MYO18B: variants seen among roughly 807,000 people sequenced by gnomAD.
The protein encoded by MYO18B is unconventional myosin-XVIIIb.
In MYO18B, 204 loss-of-function variants were observed where a neutral mutation model predicts 273.0. The ratio of observed to expected loss-of-function variants is 0.75; its 90% CI spans 0.67 to 0.84. MYO18B has a LOEUF of 0.84. Ranked by LOEUF, MYO18B falls within the 40% of genes least tolerant of loss-of-function variation. The pLI is 0.00. For missense variants in MYO18B, 3,212 were observed against 3,287.6 expected (o/e 0.98, Z 0.56); for synonymous variants, 1,330 against 1,305.7 (o/e 1.02, Z -0.40).
At position 25,763,319 on chromosome 22, in the gene MYO18B, G is replaced by C; in HGVS notation, c.128G>C (p.Arg43Pro). The C allele has an allele frequency of 6.2e-7, 1 of 1,613,022 alleles. No individual in the cohort carries two copies. Among genetic ancestry groups the C allele is most frequent in the Non-Finnish European group, 8.5e-7 (1 of 1,179,676 alleles). The change falls in exon 3 of 44, where the codon CGG becomes CCG. Residue 43 changes from arginine to proline, a missense_variant. Physicochemically the swap from Arg to Pro is moderately radical, Grantham distance 103 (BLOSUM62 -2). Coordinates refer to ENST00000335473, the MANE Select transcript of MYO18B (RefSeq NM_032608.7). ...IPGGFIKQLVRGTEKEAKEAR... is the reference protein window; with the variant it reads ...IPGGFIKQLVPGTEKEAKEAR... ...GGGGGCTTCATTAAGCAACTGGTCC[G>C]GGGGACTGAAAAAGAGGCCAAGGAA...
chr22:25,835,346 G>A lies in MYO18B; in HGVS notation c.3111G>A (p.Trp1037Ter), dbSNP rs765822402. ...GGAQDARGLF[W>*]VLDEEVHVEG... Reference sequence around the variant, plus strand: ...CCCAGGATGCCAGAGGCCTTTTCTGGGTCTTAGATGAGGAAGTCCATGTAG... The same window carrying A: ...CCCAGGATGCCAGAGGCCTTTTCTGAGTCTTAGATGAGGAAGTCCATGTAG... The change falls in exon 17 of 44, where the codon TGG becomes TGA. Residue 1037 changes from tryptophan (W) to a stop codon, truncating the protein, a stop_gained. Transcript: ENST00000335473. LOFTEE classifies it high-confidence loss of function. 2 of 1,613,924 alleles carry A rather than the reference G, an allele frequency of 1.2e-6. No homozygotes were observed. Among genetic ancestry groups the A allele is most frequent in the Non-Finnish European group, 1.7e-6 (2 of 1,179,874 alleles).
intron 39 of MYO18B, among the ~76,000 whole-genome samples, chr22:25,979,780 C>G (rs2093130741): frequency 6.6e-6 from 1 of 152,112 alleles, no homozygotes; most frequent in African/African-American, 2.4e-5. Context: ...GCCTTGAAGC[C>G]TGATCCCTCC....
In MYO18B at chr22:25,846,166, C is replaced by G. The variant is rs778477525; in HGVS notation, c.3435C>G (p.Gly1145=). Residue 1145 remains glycine (G), a synonymous_variant, in exon 19 of 44, where the codon GGC becomes GGG. Coordinates refer to ENST00000335473, the MANE Select transcript of MYO18B (RefSeq NM_032608.7). ...CTCCTGTGTGCCGGGCTGTGGCAGG[C>G]CTGGAGGGCACCTCCCAGCAGGCCC... ...KLPPVCRAVA[G]LEGTSQQALQ... is the part of the protein sequence containing the mutation. 4.3e-6 allele frequency: 7 copies of G among 1,610,484 alleles called. No individual in the cohort carries two copies. Among genetic ancestry groups the G allele is most frequent in the African/African-American group, 1.3e-5 (1 of 74,864 alleles).
chr22:26,034,349 C>T (rs1442664295), downstream of MYO18B, among the ~76,000 whole-genome samples: 1 of 152,196 alleles, frequency 6.6e-6, no homozygotes, highest in Non-Finnish European at 1.5e-5. Context: ...CCACTTAGCC[C>T]CAGGTCAAAG....
intron 11 of MYO18B, 32 bp from the exon 12 acceptor site, chr22:25,797,921 C>G (rs932970760): frequency 2.5e-6 from 4 of 1,613,938 alleles, no homozygotes; most frequent in Middle Eastern, 1.7e-4. Flanking sequence ...TCGCGATGGC[C>G]TTGTTTTCTT....
At chr22:25,882,747 A>C (rs950459137) in intron 25 of MYO18B, among the ~76,000 whole-genome samples, 2 of 152,186 alleles carry the variant, frequency 1.3e-5, no homozygotes, top group African/African-American at 4.8e-5. Flanking sequence ...TACATTAAAA[A>C]ATTTTTAAAT....
At chr22:25,751,107 A>T (rs1414256740) in intron 1 of MYO18B, among the ~76,000 whole-genome samples, 1 of 152,242 alleles carries the variant, frequency 6.6e-6, no homozygotes, top group Non-Finnish European at 1.5e-5. Flanking sequence ...GGATGGAAAG[A>T]GTAAATGATG....
In MYO18B at chr22:25,797,994, C is replaced by T; in HGVS notation, c.2418C>T (p.Leu806=). 3.1e-6 allele frequency: 5 copies of T among 1,613,978 alleles called. No homozygotes were observed. Among genetic ancestry groups the T allele is most frequent in the Non-Finnish European group, 4.2e-6 (5 of 1,179,852 alleles). Residue 806 remains leucine, a synonymous_variant, in exon 12 of 44, where the codon CTC becomes CTT. Coordinates refer to ENST00000335473, the MANE Select transcript of MYO18B (RefSeq NM_032608.7). ...KQKAAAAFAQ[L]QGAMEMLGIS... is the part of the protein sequence containing the mutation. Reference sequence around the variant, plus strand: ...AGGCGGCAGCTGCCTTTGCCCAGCTCCAGGGTGCCATGGAGATGCTCGGCA... The same window carrying T: ...AGGCGGCAGCTGCCTTTGCCCAGCTTCAGGGTGCCATGGAGATGCTCGGCA...
Position 25,798,093 on chromosome 22 carries a change from C to T in MYO18B, c.2517C>T (p.Cys839=). ...AIYHLGAAGA[C]KVGRKQFMRF... is the part of the protein sequence containing the mutation. Reference sequence around the variant, plus strand: ...ACCACCTGGGTGCGGCGGGGGCCTGCAAAGGTACGTCCTTCCTGCCGGGCT... The same window carrying T: ...ACCACCTGGGTGCGGCGGGGGCCTGTAAAGGTACGTCCTTCCTGCCGGGCT... Residue 839 remains cysteine, a synonymous_variant, in exon 12 of 44, where the codon TGC becomes TGT. Coordinates refer to ENST00000335473, the MANE Select transcript of MYO18B (RefSeq NM_032608.7). 1.9e-6 allele frequency: 3 copies of T among 1,606,898 alleles called. No homozygotes were observed. The highest frequency in any genetic ancestry group is 2.6e-6 in the Non-Finnish European group (3 of 1,174,558).
chr22:26,048,348 A>G, the MYO18B span, among the ~76,000 whole-genome samples: 1 of 152,172 alleles, frequency 6.6e-6, no homozygotes, highest in African/African-American at 2.4e-5. Context: ...TGTGTGGAGG[A>G]GTCCCAGATT....
At position 26,019,572 on chromosome 22, in the gene MYO18B, C is replaced by A. The variant is rs73879804; in HGVS notation, c.6471-6873C>A. ...CCTGCATAATGCATAGTCCTGGGTG[C>A]CATGTCAACTTTTGTTACAGACTCT... is the stretch of plus-strand genomic sequence containing the variant. On this transcript the variant is annotated intron_variant, in intron 42 of 43. Coordinates refer to ENST00000335473, the MANE Select transcript of MYO18B (RefSeq NM_032608.7). Among the ~76,000 whole-genome samples the A allele has an allele frequency of 5.2e-3, 786 of 152,316 alleles. 5 individuals carry two copies. The highest frequency in any genetic ancestry group is 0.018 in the African/African-American group (746 of 41,562).
chr22:25,868,409 A>T, intron 22 of MYO18B, 24 bp downstream of exon 22: 2 of 1,568,782 alleles, frequency 1.3e-6, no homozygotes, highest in South Asian at 2.3e-5. Context: ...CTTTCTTACA[A>T]CATTCGCCCA....
chr22:26,063,814 G>A, the MYO18B span, among the ~76,000 whole-genome samples: 1 of 152,216 alleles, frequency 6.6e-6, no homozygotes, highest in South Asian at 2.1e-4. Context: ...ACTAAAAATA[G>A]TGTGATAGCA....
intron 34 of MYO18B, among the ~76,000 whole-genome samples, chr22:25,931,286 G>A (rs2092496644): frequency 6.6e-6 from 1 of 152,222 alleles, no homozygotes; most frequent in African/African-American, 2.4e-5. Flanking sequence ...ATGCTATGAT[G>A]AATGAAGTGG....
At chr22:25,806,031 G>C (rs1396826219) in intron 12 of MYO18B, among the ~76,000 whole-genome samples, 1 of 152,190 alleles carries the variant, frequency 6.6e-6, no homozygotes, top group Non-Finnish European at 1.5e-5. Flanking sequence ...AGCTCTGTGA[G>C]TACAGAGGTC....
At chr22:25,783,029 A>G (rs2087227508) in intron 10 of MYO18B, among the ~76,000 whole-genome samples, 2 of 152,228 alleles carry the variant, frequency 1.3e-5, no homozygotes, top group African/African-American at 2.4e-5. Flanking sequence ...ATCTACAAAA[A>G]TAGATGTGAC....
downstream of MYO18B, among the ~76,000 whole-genome samples, chr22:26,032,179 T>C (rs1024484800): frequency 2.6e-5 from 4 of 152,176 alleles, no homozygotes; most frequent in Admixed American, 1.3e-4. Flanking sequence ...GTTACTAAAC[T>C]CTAATAAAAC....
intron 21 of MYO18B, among the ~76,000 whole-genome samples, chr22:25,866,824 A>G (rs1422657000): frequency 6.7e-6 from 1 of 150,002 alleles, no homozygotes; most frequent in Non-Finnish European, 1.5e-5. Context: ...ATAGTACTAT[A>G]GTGCGTACAG....
the MYO18B span, among the ~76,000 whole-genome samples, chr22:26,038,275 C>A: frequency 1.6e-4 from 25 of 152,178 alleles, no homozygotes; most frequent in African/African-American, 5.1e-4. Context: ...TTCTTTCTTT[C>A]TCTGCAATCC....
Sources: gnomAD v4.1 joint callset for allele counts (sites outside exome capture counted in the v4.1 genomes callset) on GRCh38, gnomAD v4.1.1 for gene constraint, MANE v1.5 for transcripts, NCBI Gene and HGNC (gene_info 2026-07-23, HGNC 2026-07-21) for gene names.